CNTN2: variants seen among roughly 807,000 people sequenced by gnomAD.
CNTN2 encodes the protein contactin 2.
In CNTN2, 53 loss-of-function variants were observed where a neutral mutation model predicts 117.5. The observed-to-expected ratio is 0.45, with a 90% confidence interval of 0.36 to 0.57. The LOEUF (loss-of-function observed/expected upper bound fraction) is 0.57, where lower values mean the gene tolerates loss of function less well. Among genes scored for constraint, CNTN2 ranks in the 20% least tolerant of loss-of-function variants. The pLI is 0.00. For synonymous variants in CNTN2, 530 were observed against 561.7 expected (o/e 0.94, Z 0.80); for missense variants, 1,106 against 1,404.3 (o/e 0.79, Z 3.39).
At position 205,067,147 on chromosome 1, in the gene CNTN2, C is replaced by T. The variant is rs143904978; in HGVS notation, c.2022C>T (p.Gly674=). 1.2e-6 allele frequency: 2 copies of T among 1,613,938 alleles called. No homozygotes were observed. Among genetic ancestry groups the T allele is most frequent in the African/African-American group, 1.3e-5 (1 of 74,918 alleles). The stretch of plus-strand genomic sequence containing the variant: ...ATGCCGAGACTGCACAGGTGCTGGG[C>T]CTCACCCCCTGGATGGACTATGAGT... The part of the protein sequence containing the change: ...EGNAETAQVL[G]LTPWMDYEFR... Residue 674 remains glycine, a synonymous_variant, in exon 16 of 23, where the codon GGC becomes GGT. Coordinates refer to ENST00000331830, the MANE Select transcript of CNTN2 (RefSeq NM_005076.5).
chr1:205,073,266 C>A lies in CNTN2; in HGVS notation c.3013+30C>A. ...TGCTCCTCCCCTACCCTTATCCCCT[C>A]GAGAGATTCAGGATCCACCCAGATA... On this transcript the variant is annotated intron_variant, in intron 22 of 22. Coordinates refer to ENST00000331830, the MANE Select transcript of CNTN2 (RefSeq NM_005076.5). The surrounding 1 kb of genome is among the most constrained non-coding windows in gnomAD (Gnocchi z 6.3). The A allele has an allele frequency of 6.2e-7, 1 of 1,608,450 alleles. No individual in the cohort carries two copies. The highest frequency in any genetic ancestry group is 1.1e-5 in the South Asian group (1 of 90,658).
chr1:205,064,126 A>AGGGGGTGGGGGGGGGGGGGGG (rs1654136954), intron 10 of CNTN2, among the ~76,000 whole-genome samples, 196 bp from the exon 11 acceptor site: 1 of 94,374 alleles, frequency 1.1e-5, no homozygotes. Context: ...TGAGGGGCGG[A>AGGGGGTGGGGGGGGGGGGGGG]GGGGGGGCGC....
chr1:205,045,251 T>A (rs1166869965), intron 1 of CNTN2, among the ~76,000 whole-genome samples: 5 of 152,038 alleles, frequency 3.3e-5, no homozygotes, highest in Non-Finnish European at 7.4e-5. Flanking sequence ...CACTCCCTTC[T>A]CTCATCGCGT....
In CNTN2 at chr1:205,067,032, C is replaced by G; in HGVS notation, c.1976-69C>G. On this transcript the variant is annotated intron_variant, in intron 15 of 22. Coordinates refer to ENST00000331830, the MANE Select transcript of CNTN2 (RefSeq NM_005076.5). ...CTGGGTAGATAAGGGGTGATTCAGG[C>G]CAGTGCCTGCCCTCTGCACCCAGAT... is the stretch of plus-strand genomic sequence containing the variant. 8 of 1,534,484 alleles carry G rather than the reference C, an allele frequency of 5.2e-6. No homozygotes were observed. The South Asian group carries it at 1.0e-4, about 19-fold the overall frequency.
At chr1:205,056,705 G>A (rs1397733731) in intron 2 of CNTN2, among the ~76,000 whole-genome samples, 1 of 152,172 alleles carries the variant, frequency 6.6e-6, no homozygotes, top group Non-Finnish European at 1.5e-5. Flanking sequence ...GGATAGCCTG[G>A]CTCCCACCTG....
intron 21 of CNTN2, 200 bp from the exon 22 acceptor site, chr1:205,072,868 A>G: frequency 1.5e-6 from 1 of 647,574 alleles, no homozygotes; most frequent in African/African-American, 1.8e-5. Context: ...CTTCTAGCTT[A>G]AGGAGTCTAC....
In CNTN2 at chr1:205,059,738, C is replaced by T. The variant is rs1422994410; in HGVS notation, c.797+56C>T. 4 of 1,491,010 alleles carry T rather than the reference C, an allele frequency of 2.7e-6. No individual in the cohort carries two copies. Among genetic ancestry groups the T allele is most frequent in the Non-Finnish European group, 3.7e-6 (4 of 1,071,962 alleles). 92.4% of individuals were successfully genotyped at this position (1,491,010 alleles called of 1,614,324 possible). A position where few individuals can be genotyped will look rare whatever the true frequency, so the allele number is the denominator to read the frequency against. ...ACGGTCTCTCGGGGGCACAGGTGAC[C>T]CCAGGGTGAGGGCAGGCAGAGTCAG... On this transcript the variant is annotated intron_variant, in intron 7 of 22. Transcript: ENST00000331830. This position sits in a 1 kb window ranked among gnomAD's most constrained non-coding sequence, Gnocchi z 5.6.
chr1:205,060,838 A>G (rs1653936958), intron 7 of CNTN2: 1 of 182,596 alleles, frequency 5.5e-6, no homozygotes, highest in Non-Finnish European at 1.1e-5. Context: ...GTCCCTTTCA[A>G]AGTAGGGGCA....
chr1:205,070,289 C>A, intron 18 of CNTN2, 137 bp from the exon 19 acceptor site: 1 of 715,160 alleles, frequency 1.4e-6, no homozygotes, highest in Non-Finnish European at 2.3e-6. Flanking sequence ...TGGAGCATTG[C>A]TTGGGGGGCT....
intron 16 of CNTN2, chr1:205,068,025 G>C (rs2151197227): frequency 6.6e-6 from 1 of 151,952 alleles, no homozygotes; most frequent in South Asian, 2.1e-4. Flanking sequence ...TAGGGAAGCA[G>C]CCAGTGTCTC....
chr1:205,056,978 G>A (rs1329171830), intron 2 of CNTN2, among the ~76,000 whole-genome samples: 1 of 152,104 alleles, frequency 6.6e-6, no homozygotes, highest in Admixed American at 6.5e-5. Context: ...CCCTTTTCTG[G>A]ACATTTCTTG....
Position 205,059,727 on chromosome 1 carries a change from G to A in CNTN2, c.797+45G>A, listed in dbSNP as rs773783881. ...GGAAGCAGAGCACGGTCTCTCGGGG[G>A]CACAGGTGACCCCAGGGTGAGGGCA... On this transcript the variant is annotated intron_variant, in intron 7 of 22. Transcript: ENST00000331830. This position sits in a 1 kb window ranked among gnomAD's most constrained non-coding sequence, Gnocchi z 5.6. 8 of 1,529,822 alleles carry A rather than the reference G, an allele frequency of 5.2e-6. No homozygotes were observed. In the Admixed American group the frequency reaches 1.0e-4, roughly 19 times the overall value. 94.8% of individuals were successfully genotyped at this position (1,529,822 alleles called of 1,614,324 possible).
intron 2 of CNTN2, among the ~76,000 whole-genome samples, chr1:205,056,058 C>T (rs190896672): frequency 1.1e-4 from 16 of 152,054 alleles, no homozygotes; most frequent in African/African-American, 3.6e-4. Context: ...CATGAGCGTG[C>T]ATATAAGAAA....
In CNTN2 at chr1:205,065,744, G is replaced by T. The variant is rs1330467756; in HGVS notation, c.1696-45G>T. 1 of 1,613,506 alleles carries T rather than the reference G, an allele frequency of 6.2e-7. No individual in the cohort carries two copies. On this transcript the variant is annotated intron_variant, in intron 13 of 22. Coordinates refer to ENST00000331830, the MANE Select transcript of CNTN2 (RefSeq NM_005076.5). This position sits in a 1 kb window ranked among gnomAD's most constrained non-coding sequence, Gnocchi z 4.1. ...GTCTCATGGCCTGCTGCACTGGTCA[G>T]GGCCGGTGGTCTGACCTGCTGCCCC...
chr1:205,066,323 C>T, intron 14 of CNTN2, 118 bp from the exon 15 acceptor site: 1 of 1,257,406 alleles, frequency 8.0e-7, no homozygotes, highest in South Asian at 1.5e-5. Flanking sequence ...TGTGTGTTCA[C>T]TGCATCCTCT....
rs1325593608 is a variant in CNTN2 at position 205,061,457 on chromosome 1, C to A, written c.973+37C>A. The A allele has an allele frequency of 6.5e-7, 1 of 1,527,800 alleles. No individual in the cohort carries two copies. Among genetic ancestry groups the A allele is most frequent in the Non-Finnish European group, 8.8e-7 (1 of 1,132,098 alleles). 94.6% of individuals were successfully genotyped at this position (1,527,800 alleles called of 1,614,324 possible). A position where few individuals can be genotyped will look rare whatever the true frequency, so the allele number is the denominator to read the frequency against. On this transcript the variant is annotated intron_variant, in intron 8 of 22. Transcript: ENST00000331830. This position sits in a 1 kb window ranked among gnomAD's most constrained non-coding sequence, Gnocchi z 4.8. The stretch of plus-strand genomic sequence containing the variant: ...GGGACACCTTCTCCGCCCCTCCCGA[C>A]CCCCCTTCCCGCCTTCACCCTTGTC...
chr1:205,058,627 G>T lies in CNTN2; in HGVS notation c.451G>T (p.Val151Leu). Residue 151 changes from valine (V) to leucine (L), a missense_variant, in exon 5 of 23, where the codon GTG becomes TTG. Physicochemically the swap from Val to Leu is conservative, Grantham distance 32. Transcript: ENST00000331830. This position sits in a 1 kb window ranked among gnomAD's most constrained non-coding sequence, Gnocchi z 4.3. ...DPVKAHEGWG[V>L]MLPCNPPAHY... The stretch of plus-strand genomic sequence containing the variant: ...AGTGAAAGCTCATGAAGGCTGGGGG[G>T]TGATGTTGCCCTGTAACCCACCTGC... 1 of 1,614,036 alleles carries T rather than the reference G, an allele frequency of 6.2e-7. No homozygotes were observed. Among genetic ancestry groups the T allele is most frequent in the South Asian group, 1.1e-5 (1 of 91,050 alleles).
At chr1:205,067,065 C>G (rs1487773154) in intron 15 of CNTN2, 36 bp from the exon 16 acceptor site, 6 of 1,574,838 alleles carry the variant, frequency 3.8e-6, no homozygotes, top group Non-Finnish European at 4.3e-6. Context: ...GATGAATAAG[C>G]GAATGCTGGA....
chr1:205,067,066 G>A lies in CNTN2; in HGVS notation c.1976-35G>A, dbSNP rs774021423. On this transcript the variant is annotated intron_variant, in intron 15 of 22. Transcript: ENST00000331830. ...GCCCTCTGCACCCAGATGAATAAGC[G>A]AATGCTGGAATATGGACTCCCTGGT... 1.3e-5 allele frequency: 20 copies of A among 1,577,006 alleles called. No individual in the cohort carries two copies. In the East Asian group the frequency reaches 1.3e-4, roughly 11 times the overall value.
Sources: allele counts gnomAD v4.1 joint callset (sites outside exome capture counted in the v4.1 genomes callset), GRCh38; gene constraint gnomAD v4.1.1; non-coding constraint Gnocchi (gnomAD v3.1); transcripts MANE v1.5; gene names NCBI Gene and HGNC (gene_info 2026-07-23, HGNC 2026-07-21).